Variants in FGD6 observed in about 807,000 individuals in gnomAD.
FGD6 encodes the protein FYVE, RhoGEF and PH domain-containing protein 6.
A neutral mutation model predicts 149.4 loss-of-function variants in FGD6; 90 were observed. The ratio of observed to expected loss-of-function variants is 0.60; its 90% CI spans 0.51 to 0.72. FGD6 has a LOEUF of 0.72. FGD6 is among the 30% of genes least tolerant of loss of function. FGD6 has a pLI of 0.00. For synonymous variants in FGD6, 527 were observed against 584.0 expected (o/e 0.90, Z 1.41); for missense variants, 1,437 against 1,684.8 (o/e 0.85, Z 2.57).
intron 3 of FGD6, among the ~76,000 whole-genome samples, chr12:95,156,529 G>T (rs958272545): frequency 6.6e-6 from 1 of 151,530 alleles, no homozygotes; most frequent in African/African-American, 2.4e-5. Flanking sequence ...CAATGACAAT[G>T]TGTGCCCGAA....
intron 5 of FGD6, among the ~76,000 whole-genome samples, chr12:95,143,694 A>C (rs1879924459): frequency 6.6e-6 from 1 of 152,218 alleles, no homozygotes; most frequent in South Asian, 2.1e-4. Context: ...CTAAGAGAAA[A>C]TAGAGCCACT....
intron 3 of FGD6, among the ~76,000 whole-genome samples, chr12:95,171,762 C>A (rs534282900): frequency 1.3e-5 from 2 of 151,962 alleles, no homozygotes; most frequent in African/African-American, 2.4e-5. Context: ...TGATCCACCC[C>A]CCTCGGTCTC....
At chr12:95,134,715 T>C (rs984119437) in intron 8 of FGD6, 24 bp downstream of exon 8, 1 of 1,609,676 alleles carries the variant, frequency 6.2e-7, no homozygotes, top group Non-Finnish European at 8.5e-7. Context: ...ACTGGGTGGT[T>C]GGCAAAATGC....
chr12:95,084,644 G>A lies in FGD6; in HGVS notation c.4110C>T (p.Asp1370=), dbSNP rs769070164. 18 of 1,569,092 alleles carry A rather than the reference G, an allele frequency of 1.1e-5. No individual in the cohort carries two copies. The highest frequency in any genetic ancestry group is 1.7e-4 in the Middle Eastern group (1 of 5,734). Residue 1370 remains aspartate (D), a splice_region_variant and synonymous_variant, in exon 20 of 21, where the codon GAC becomes GAT. Coordinates refer to ENST00000343958, the MANE Select transcript of FGD6 (RefSeq NM_018351.4). The part of the protein sequence containing the change: ...KVLYTYAASE[D]VAALESQPLL... ...AAGGCTGACTCTCCAAAGCGGCCAC[G>A]TCCTAATTTAAAAACATACAAATGG...
intron 7 of FGD6, 64 bp from the exon 8 acceptor site, chr12:95,134,890 G>A (rs770417891): frequency 3.4e-5 from 47 of 1,385,298 alleles, no homozygotes; most frequent in Non-Finnish European, 4.7e-5. Context: ...CCAGATTCAA[G>A]TGCTCAGGAA....
intron 3 of FGD6, among the ~76,000 whole-genome samples, chr12:95,171,113 T>TA (rs1255580288): frequency 2.8e-4 from 43 of 152,350 alleles, no homozygotes; most frequent in Admixed American, 9.2e-4. Context: ...TTCTTTTTTT[T>TA]ATCTATAAAA....
chr12:95,097,484 A>G (rs941027314), intron 14 of FGD6, among the ~76,000 whole-genome samples: 1 of 151,956 alleles, frequency 6.6e-6, no homozygotes, highest in Non-Finnish European at 1.5e-5. Context: ...AAAAATACAA[A>G]AATTAGCCAG....
chr12:95,200,455 A>C (rs1223748781), intron 2 of FGD6, among the ~76,000 whole-genome samples: 1 of 152,190 alleles, frequency 6.6e-6, no homozygotes, highest in South Asian at 2.1e-4. Context: ...CAGAACCACT[A>C]ATCCATCGCA....
intron 3 of FGD6, among the ~76,000 whole-genome samples, chr12:95,172,046 G>GGGCGGT (rs562514503): frequency 7.3e-6 from 1 of 136,322 alleles, no homozygotes; most frequent in African/African-American, 2.8e-5. Flanking sequence ...GGGGGGGGGG[G>GGGCGGT]TTGTTATCAA....
At chr12:95,110,178 G>A (rs887811734) in intron 9 of FGD6, among the ~76,000 whole-genome samples, 3 of 151,672 alleles carry the variant, frequency 2.0e-5, no homozygotes, top group Non-Finnish European at 2.9e-5. Flanking sequence ...GGGTTTCACC[G>A]TGTTAGCCAG....
chr12:95,098,536 A>T (rs1195555698), intron 14 of FGD6, among the ~76,000 whole-genome samples: 3 of 152,068 alleles, frequency 2.0e-5, no homozygotes, highest in African/African-American at 7.2e-5. Context: ...TGCCACACTG[A>T]CCTTCCAATT....
At chr12:95,142,507 AG>A (rs1026223570) in intron 5 of FGD6, among the ~76,000 whole-genome samples, 1 of 152,020 alleles carries the variant, frequency 6.6e-6, no homozygotes, top group Non-Finnish European at 1.5e-5. Context: ...TGAACTCCTG[AG>A]CTCAAGAAAT....
intron 8 of FGD6, among the ~76,000 whole-genome samples, chr12:95,114,825 T>C (rs1878958768): frequency 6.6e-6 from 1 of 152,174 alleles, no homozygotes; most frequent in Non-Finnish European, 1.5e-5. Context: ...ACATGGTCCC[T>C]ATCAATTTTT....
chr12:95,141,116 G>C (rs528440634), intron 6 of FGD6, among the ~76,000 whole-genome samples: 1 of 151,796 alleles, frequency 6.6e-6, no homozygotes, highest in Non-Finnish European at 1.5e-5. Context: ...CCAGCTACTC[G>C]GGAGGCTGAG....
At chr12:95,103,181 C>T (rs201022387) in intron 14 of FGD6, among the ~76,000 whole-genome samples, 9 of 152,110 alleles carry the variant, frequency 5.9e-5, no homozygotes, top group East Asian at 3.8e-4. Context: ...GAAGATGAAA[C>T]GAAGTACTAC....
intron 18 of FGD6, among the ~76,000 whole-genome samples, chr12:95,087,173 T>C (rs543356041): frequency 6.6e-6 from 1 of 152,258 alleles, no homozygotes; most frequent in East Asian, 1.9e-4. Flanking sequence ...TTCTTAAAAA[T>C]GTAGGAGTAG....
At chr12:95,157,448 C>A (rs987888739) in intron 3 of FGD6, among the ~76,000 whole-genome samples, 1 of 151,724 alleles carries the variant, frequency 6.6e-6, no homozygotes, top group African/African-American at 2.4e-5. Context: ...TGCCTGTAAT[C>A]CCAGCCACTT....
At chr12:95,083,012 A>AAAAAAAAATATATATATAT (rs68032073) in intron 20 of FGD6, among the ~76,000 whole-genome samples, 1 of 20,038 alleles carries the variant, frequency 5.0e-5, no homozygotes. Flanking sequence ...AAAAAAAAAA[A>AAAAAAAAATATATATATAT]ATATATATAT....
At chr12:95,147,848 T>G (rs1461388538) in intron 5 of FGD6, among the ~76,000 whole-genome samples, 1 of 152,246 alleles carries the variant, frequency 6.6e-6, no homozygotes, top group South Asian at 2.1e-4. Context: ...AGAACACCAT[T>G]TATTTAACTA....
Sources: gnomAD v4.1 joint callset for allele counts (sites outside exome capture counted in the v4.1 genomes callset) on GRCh38, gnomAD v4.1.1 for gene constraint, MANE v1.5 for transcripts, NCBI Gene and HGNC (gene_info 2026-07-23, HGNC 2026-07-21) for gene names.